Variants in MAGI1 observed in about 807,000 individuals in gnomAD.
MAGI1 encodes membrane associated guanylate kinase, WW and PDZ domain containing 1.
A neutral mutation model predicts 139.9 loss-of-function variants in MAGI1; 58 were observed. That is an observed-to-expected ratio of 0.41 (90% CI 0.34 to 0.52). The LOEUF (loss-of-function observed/expected upper bound fraction) is 0.52, where lower values mean the gene tolerates loss of function less well. Ranked by LOEUF, MAGI1 falls within the 20% of genes least tolerant of loss-of-function variation. The pLI is 0.12. For missense variants in MAGI1, 1,874 were observed against 1,901.6 expected (o/e 0.99, Z 0.27); for synonymous variants, 812 against 737.9 (o/e 1.10, Z -1.63).
chr3:65,356,825 G>A lies in MAGI1; in HGVS notation c.3942C>T (p.Ala1314=), dbSNP rs141542625. 82 of 1,612,036 alleles carry A rather than the reference G, an allele frequency of 5.1e-5. No individual in the cohort carries two copies. The African/African-American group carries it at 6.9e-4, about 14-fold the overall frequency. Reference sequence around the variant, plus strand: ...GGGACCGCCTCTTGGGGCCGTTGGCGGCTGCCGCGCGCTCGGCCTGCGCGT... The same window carrying A: ...GGGACCGCCTCTTGGGGCCGTTGGCAGCTGCCGCGCGCTCGGCCTGCGCGT... ...RRDAQAERAA[A]ANGPKRRSPE... The change falls in exon 23 of 23, where the codon GCC becomes GCT. Residue 1314 remains alanine (A), a synonymous_variant. Transcript: ENST00000402939.
intron 1 of MAGI1, among the ~76,000 whole-genome samples, chr3:65,928,076 T>C (rs1025357325): frequency 6.6e-6 from 1 of 152,210 alleles, no homozygotes; most frequent in Non-Finnish European, 1.5e-5. Context: ...CAACACGAGT[T>C]ACTTTTACAT....
chr3:65,453,674 T>C (rs1304273357), intron 5 of MAGI1, among the ~76,000 whole-genome samples: 1 of 152,200 alleles, frequency 6.6e-6, no homozygotes, highest in Non-Finnish European at 1.5e-5. Flanking sequence ...AGGCTTTGCA[T>C]TTGCCACAGA....
At chr3:65,647,338 G>A (rs2085323161) in intron 1 of MAGI1, among the ~76,000 whole-genome samples, 1 of 152,230 alleles carries the variant, frequency 6.6e-6, no homozygotes, top group Admixed American at 6.5e-5. Flanking sequence ...CAGTCTGAAA[G>A]CTGTTAGGCA....
At chr3:65,397,474 G>GC (rs1481300845) in intron 13 of MAGI1, among the ~76,000 whole-genome samples, 1 of 151,862 alleles carries the variant, frequency 6.6e-6, no homozygotes, top group Admixed American at 6.6e-5. Flanking sequence ...ATGCGGATGG[G>GC]CACTGGATGC....
intron 1 of MAGI1, among the ~76,000 whole-genome samples, chr3:66,032,639 C>G (rs1408478658): frequency 1.3e-5 from 2 of 151,724 alleles, no homozygotes; most frequent in Non-Finnish European, 2.9e-5. Context: ...AGAAACAGGG[C>G]CCGTTGCGGT....
intron 1 of MAGI1, among the ~76,000 whole-genome samples, chr3:65,836,613 G>C (rs1467627626): frequency 6.6e-6 from 1 of 152,108 alleles, no homozygotes; most frequent in African/African-American, 2.4e-5. Context: ...GAGGTCAGGA[G>C]TTCAAGACCA....
intron 2 of MAGI1, chr3:65,597,605 C>T: frequency 2.3e-6 from 1 of 440,178 alleles, no homozygotes; most frequent in South Asian, 1.6e-5. Context: ...GGTTTCTCCC[C>T]GCCCCTCCTC....
intron 1 of MAGI1, among the ~76,000 whole-genome samples, chr3:65,970,609 C>T (rs191269632): frequency 6.6e-6 from 1 of 152,088 alleles, no homozygotes. Context: ...TCCCTATACT[C>T]CAGAAATAAA....
intron 1 of MAGI1, among the ~76,000 whole-genome samples, chr3:66,024,625 G>A (rs1029865866): frequency 2.0e-5 from 3 of 152,086 alleles, no homozygotes; most frequent in African/African-American, 7.2e-5. Flanking sequence ...TGGCCAACAT[G>A]GTGAAACCCT....
At chr3:65,781,264 A>G (rs1304606551) in intron 1 of MAGI1, among the ~76,000 whole-genome samples, 1 of 152,208 alleles carries the variant, frequency 6.6e-6, no homozygotes, top group Non-Finnish European at 1.5e-5. Context: ...CTGCACACAG[A>G]GCCTTCCCAA....
intron 2 of MAGI1, among the ~76,000 whole-genome samples, chr3:65,548,518 T>C (rs2079624469): frequency 2.7e-5 from 1 of 37,192 alleles, no homozygotes; most frequent in South Asian, 9.1e-4. Flanking sequence ...ACTCTTTTTT[T>C]TTTTTTTTTT....
intron 1 of MAGI1, among the ~76,000 whole-genome samples, chr3:65,673,690 G>A (rs993087675): frequency 2.0e-5 from 3 of 152,152 alleles, no homozygotes; most frequent in Non-Finnish European, 4.4e-5. Flanking sequence ...CAGTCATTTG[G>A]ATCTTCAGAC....
intron 1 of MAGI1, among the ~76,000 whole-genome samples, chr3:65,753,273 ATT>A (rs1460705530): frequency 2.6e-5 from 4 of 152,114 alleles, no homozygotes; most frequent in Admixed American, 2.6e-4. Context: ...GCTCGTCAGA[ATT>A]TGTGGTATTA....
chr3:65,361,041 G>C (rs1237859841), intron 22 of MAGI1, 158 bp downstream of exon 22: 6 of 1,515,126 alleles, frequency 4.0e-6, no homozygotes, highest in Non-Finnish European at 5.3e-6. Flanking sequence ...AATGTGTAGA[G>C]ATTTCAGAAC....
At chr3:65,758,388 C>T (rs1295738942) in intron 1 of MAGI1, among the ~76,000 whole-genome samples, 9 of 152,210 alleles carry the variant, frequency 5.9e-5, no homozygotes, top group Non-Finnish European at 1.3e-4. Flanking sequence ...TCCAGTCTGA[C>T]TGCTCTTTTC....
At chr3:65,898,529 C>A (rs1276085796) in intron 1 of MAGI1, among the ~76,000 whole-genome samples, 3 of 152,096 alleles carry the variant, frequency 2.0e-5, no homozygotes, top group South Asian at 2.1e-4. Flanking sequence ...CCCTGAAATT[C>A]AAATTGTTGA....
At chr3:65,937,460 G>A (rs556646784) in intron 1 of MAGI1, among the ~76,000 whole-genome samples, 1 of 152,026 alleles carries the variant, frequency 6.6e-6, no homozygotes, top group African/African-American at 2.4e-5. Context: ...TGGCCCACAG[G>A]CCCACAGAGA....
intron 16 of MAGI1, 139 bp from the exon 17 acceptor site, chr3:65,379,693 C>G: frequency 1.4e-6 from 2 of 1,380,368 alleles, no homozygotes; most frequent in Non-Finnish European, 2.0e-6. Flanking sequence ...TTCACAATAC[C>G]TGGATATACG....
chr3:65,969,464 T>C (rs1379286980), intron 1 of MAGI1, among the ~76,000 whole-genome samples: 3 of 152,234 alleles, frequency 2.0e-5, no homozygotes, highest in Middle Eastern at 3.4e-3. Flanking sequence ...TGCCAAGTGC[T>C]CCCTAGGGGA....
Sources: allele counts gnomAD v4.1 joint callset (sites outside exome capture counted in the v4.1 genomes callset), GRCh38; gene constraint gnomAD v4.1.1; transcripts MANE v1.5; gene names NCBI Gene and HGNC (gene_info 2026-07-23, HGNC 2026-07-21).